The following PLEKHA8 variants were observed in gnomAD, a reference collection of about 807,000 sequenced individuals.
PLEKHA8 encodes pleckstrin homology domain containing A8.
Under a neutral mutation model 68.2 loss-of-function variants are expected in PLEKHA8, and 36 were observed. The ratio of observed to expected loss-of-function variants is 0.53; its 90% CI spans 0.40 to 0.70. PLEKHA8 has a LOEUF of 0.70. Ranked by LOEUF, PLEKHA8 falls within the 30% of genes least tolerant of loss-of-function variation. The pLI is 0.00. For synonymous variants in PLEKHA8, 211 were observed against 216.1 expected, an observed-to-expected ratio of 0.98 and a Z score of 0.20; for missense variants, 505 against 615.4, an observed-to-expected ratio of 0.82 and a Z score of 1.90.
chr7:30,057,249 C>A (rs1793067553), intron 9 of PLEKHA8, among the ~76,000 whole-genome samples: 1 of 152,078 alleles, frequency 6.6e-6, no homozygotes, highest in Admixed American at 6.6e-5. Context: ...TAGGTTAGTT[C>A]TGCCTATTCT....
chr7:30,118,790 G>A (rs1458774533), intron 13 of PLEKHA8, among the ~76,000 whole-genome samples: 1 of 152,260 alleles, frequency 6.6e-6, no homozygotes, highest in East Asian at 1.9e-4. Flanking sequence ...TGTTAGCCAG[G>A]ATGATCTCGA....
At chr7:30,088,999 TAA>T (rs896689235), downstream of PLEKHA8, among the ~76,000 whole-genome samples, 4 of 152,122 alleles carry the variant, frequency 2.6e-5, no homozygotes, top group African/African-American at 9.6e-5. Context: ...ATCCCTGAAT[TAA>T]GAGACAAACC....
chr7:30,039,362 A>G (rs138146439), intron 1 of PLEKHA8, among the ~76,000 whole-genome samples: 2,944 of 152,238 alleles, frequency 0.019, 47 homozygotes, highest in East Asian at 0.04. Flanking sequence ...TAAAAATACA[A>G]AAATTAGCCG....
chr7:30,098,964 C>T (rs964149736), intron 13 of PLEKHA8, among the ~76,000 whole-genome samples: 5 of 152,230 alleles, frequency 3.3e-5, no homozygotes, highest in Non-Finnish European at 7.3e-5. Flanking sequence ...GGCTCCACCT[C>T]AACCTGGTCT....
rs1188880744 is a variant in PLEKHA8, at chr7:30,115,546, GCACGTATACATGTAGACATATGTATACA to G, written c.1363-13719_1363-13692del. 1.4e-4 allele frequency among the ~76,000 whole-genome samples: 7 copies of G among 49,948 alleles called. No individual in the cohort carries two copies. In the East Asian group the frequency reaches 0.03, roughly 215 times the overall value. The allele number at this position is 49,948 out of a possible 152,430, so 32.8% of individuals were successfully genotyped here. The stretch of plus-strand genomic sequence containing the variant: ...TATACATGTAGACATATGTACACAT[GCACGTATACATGTAGACATATGTATACA>G]TGCACGTATACATGTAGACATGTAT... On this transcript the variant is annotated intron_variant, in intron 13 of 13. Coordinates refer to the PLEKHA8 transcript ENST00000396257.
At chr7:30,059,218 A>G (rs2127986507) in intron 9 of PLEKHA8, among the ~76,000 whole-genome samples, 1 of 152,362 alleles carries the variant, frequency 6.6e-6, no homozygotes, top group South Asian at 2.1e-4. Flanking sequence ...TCTAGTTTTT[A>G]GTGTATAGCT....
At chr7:30,055,004 T>C (rs1323058788) in intron 8 of PLEKHA8, 139 bp downstream of exon 8, 2 of 867,898 alleles carry the variant, frequency 2.3e-6, no homozygotes, top group Non-Finnish European at 3.6e-6. Context: ...CTTTACTGTT[T>C]ACTCTTTCTT....
At chr7:30,107,131 G>A (rs367755016) in intron 13 of PLEKHA8, among the ~76,000 whole-genome samples, 24 of 152,190 alleles carry the variant, frequency 1.6e-4, no homozygotes, top group Middle Eastern at 3.4e-3. Flanking sequence ...AGAAATCGCT[G>A]TCACTACAAA....
At chr7:30,101,640 T>C (rs1480074624) in intron 13 of PLEKHA8, among the ~76,000 whole-genome samples, 1 of 152,194 alleles carries the variant, frequency 6.6e-6, no homozygotes, top group Non-Finnish European at 1.5e-5. Flanking sequence ...TTTCAACATA[T>C]GAATTTGGGG....
chr7:30,028,780 C>T lies in PLEKHA8; in HGVS notation c.18C>T (p.Tyr6=), dbSNP rs935685717. The change falls in exon 1 of 14, where the codon TAC becomes TAT. Residue 6 remains tyrosine, a synonymous_variant. Transcript: ENST00000449726. ...CGGGCGCCATGGAGGGGGTGCTGTA[C>T]AAGTGGACCAACTATCTGAGCGGTG... is the stretch of plus-strand genomic sequence containing the variant. MEGVL[Y]KWTNYLSGWQ... is the part of the protein sequence containing the mutation. 4.2e-5 allele frequency: 53 copies of T among 1,271,952 alleles called. No homozygotes were observed. The highest frequency in any genetic ancestry group is 4.8e-5 in the Non-Finnish European group (48 of 1,003,022). The allele number at this position is 1,271,952 out of a possible 1,614,324, so 78.8% of individuals were successfully genotyped here.
rs1583844558 is a variant in PLEKHA8 at position 30,062,014 on chromosome 7, T to C, written c.1216T>C (p.Leu406=). 3.1e-6 allele frequency: 5 copies of C among 1,613,220 alleles called. 1 individual carries two copies. The East Asian group carries it at 8.9e-5, about 29-fold the overall frequency. Residue 406 remains leucine (L), a synonymous_variant, in exon 11 of 14, where the codon TTG becomes CTG. Coordinates refer to ENST00000449726, the MANE Select transcript of PLEKHA8 (RefSeq NM_001197026.2). Reference sequence around the variant, plus strand: ...TAGGAACTCAGCGACTGAAGCCCTCTTGTGGCTGAAGAGGTGAGGCAGCTG... The same window carrying C: ...TAGGAACTCAGCGACTGAAGCCCTCCTGTGGCTGAAGAGGTGAGGCAGCTG... ...QVRNSATEAL[L]WLKRGLKFLK...
intron 2 of PLEKHA8, among the ~76,000 whole-genome samples, chr7:30,045,484 A>T (rs113417310): frequency 3.9e-5 from 6 of 152,330 alleles, no homozygotes; most frequent in African/African-American, 1.4e-4. Flanking sequence ...ACCAGTGGCT[A>T]TTAGCAAAAC....
chr7:30,124,876 G>A (rs967774816), intron 13 of PLEKHA8, among the ~76,000 whole-genome samples: 11 of 151,064 alleles, frequency 7.3e-5, no homozygotes, highest in Admixed American at 3.3e-4. Context: ...ATTCAAATAT[G>A]TTCTGATAAG....
intron 4 of PLEKHA8, among the ~76,000 whole-genome samples, chr7:30,048,756 G>A (rs1792164062): frequency 6.6e-6 from 1 of 151,816 alleles, no homozygotes; most frequent in Non-Finnish European, 1.5e-5. Context: ...TCTAAAAAAG[G>A]TGATTTAACC....
At position 30,116,226 on chromosome 7, in the gene PLEKHA8, GTATACATGTATGCGTATACATGTACA is replaced by G. The variant is rs559014578; in HGVS notation, c.1363-13039_1363-13014del. 5.0e-3 allele frequency among the ~76,000 whole-genome samples: 736 copies of G among 147,634 alleles called. 5 individuals carry two copies. Among genetic ancestry groups the G allele is most frequent in the African/African-American group, 0.017 (695 of 39,752 alleles). On this transcript the variant is annotated intron_variant, in intron 13 of 13. Coordinates refer to the PLEKHA8 transcript ENST00000396257. The stretch of plus-strand genomic sequence containing the variant: ...TATACATGTATACATATGTATATAC[GTATACATGTATGCGTATACATGTACA>G]CGTATACATGCATACATGTATGTAT...
intron 12 of PLEKHA8, among the ~76,000 whole-genome samples, chr7:30,073,851 A>C (rs1212960952): frequency 6.6e-6 from 1 of 151,994 alleles, no homozygotes; most frequent in East Asian, 1.9e-4. Context: ...TTAGCTAGGC[A>C]TGGTCATCCA....
chr7:30,108,076 A>ACAACAAC lies in PLEKHA8; in HGVS notation c.1363-21190_1363-21189insCAACAAC, dbSNP rs1562553379. Among the ~76,000 whole-genome samples, 80 of 150,090 alleles carry ACAACAAC rather than the reference A, an allele frequency of 5.3e-4. 3 individuals are homozygous for ACAACAAC. Among genetic ancestry groups the ACAACAAC allele is most frequent in the African/African-American group, 1.9e-3 (75 of 40,456 alleles). ...AAGCAAAACTCCATCTCAAAAAAAA[A>ACAACAAC]AAAAAAAAAAAAAAAACCTACATTC... is the stretch of plus-strand genomic sequence containing the variant. On this transcript the variant is annotated intron_variant, in intron 13 of 13. Coordinates refer to the PLEKHA8 transcript ENST00000396257.
intron 13 of PLEKHA8, among the ~76,000 whole-genome samples, chr7:30,104,032 A>G (rs1391242121): frequency 6.6e-6 from 1 of 152,248 alleles, no homozygotes; most frequent in East Asian, 1.9e-4. Context: ...TTATTTAAAA[A>G]ATGCACAATG....
intron 9 of PLEKHA8, among the ~76,000 whole-genome samples, chr7:30,057,511 G>GCAGTGGCACAATCTTGGCCACTC (rs1793092328): frequency 6.6e-6 from 1 of 150,890 alleles, no homozygotes; most frequent in Non-Finnish European, 1.5e-5. Context: ...AAGCTGGAGT[G>GCAGTGGCACAATCTTGGCCACTC]CAGTGGCACA....
Sources: gnomAD v4.1 joint callset for allele counts (sites outside exome capture counted in the v4.1 genomes callset) on GRCh38, gnomAD v4.1.1 for gene constraint, MANE v1.5 for transcripts, NCBI Gene and HGNC (gene_info 2026-07-23, HGNC 2026-07-21) for gene names.